Variants in GRIK4 observed in about 807,000 individuals in gnomAD.
The protein encoded by GRIK4 is glutamate receptor ionotropic, kainate 4.
Under a neutral mutation model 104.9 loss-of-function variants are expected in GRIK4, and 40 were observed. The observed-to-expected ratio is 0.38, with a 90% confidence interval of 0.30 to 0.50. The LOEUF (loss-of-function observed/expected upper bound fraction) is 0.50. Among genes scored for constraint, GRIK4 ranks in the 20% least tolerant of loss-of-function variants. The probability of loss-of-function intolerance (pLI) is 0.93; values close to 1 mark genes in which losing one functional copy is unlikely to be tolerated. For synonymous variants in GRIK4, 485 were observed against 524.9 expected (o/e 0.92, Z 1.04); for missense variants, 1,047 against 1,308.1 (o/e 0.80, Z 3.08).
intron 1 of GRIK4, among the ~76,000 whole-genome samples, chr11:120,579,516 G>A (rs1228403403): frequency 6.6e-6 from 1 of 152,188 alleles, no homozygotes; most frequent in Non-Finnish European, 1.5e-5. Context: ...AAGGAATTTG[G>A]ATTTTATTCT....
intron 3 of GRIK4, among the ~76,000 whole-genome samples, chr11:120,794,828 G>A (rs774638785): frequency 5.9e-5 from 9 of 152,170 alleles, no homozygotes; most frequent in African/African-American, 7.2e-5. Flanking sequence ...GGCTGGTAGC[G>A]GCCCAGCCTG....
intron 3 of GRIK4, among the ~76,000 whole-genome samples, chr11:120,700,314 C>T (rs1950531499): frequency 7.0e-6 from 1 of 143,466 alleles, no homozygotes; most frequent in African/African-American, 2.6e-5. Flanking sequence ...GTCGCCCAGG[C>T]TGGAGTGGAG....
At chr11:120,828,917 G>A (rs1338449911) in intron 6 of GRIK4, among the ~76,000 whole-genome samples, 1 of 152,080 alleles carries the variant, frequency 6.6e-6, no homozygotes, top group Non-Finnish European at 1.5e-5. Flanking sequence ...TGGGAGTTTC[G>A]TGCACCTGCC....
chr11:120,976,338 C>G (rs1380232860), intron 19 of GRIK4, among the ~76,000 whole-genome samples: 1 of 152,182 alleles, frequency 6.6e-6, no homozygotes, highest in Non-Finnish European at 1.5e-5. Context: ...ATTATTCTCT[C>G]CAGAATGTGC....
intron 3 of GRIK4, among the ~76,000 whole-genome samples, chr11:120,720,145 G>C (rs886699396): frequency 8.5e-5 from 13 of 152,122 alleles, no homozygotes; most frequent in African/African-American, 2.9e-4. Context: ...GTGTGTTGTG[G>C]GGGGAGGTGG....
At chr11:120,857,551 G>A (rs1477825419) in intron 8 of GRIK4, among the ~76,000 whole-genome samples, 1 of 151,756 alleles carries the variant, frequency 6.6e-6, no homozygotes, top group South Asian at 2.1e-4. Flanking sequence ...TGTTTTTCAT[G>A]TGAAAGCCCA....
At chr11:120,691,091 C>T (rs1309099121) in intron 3 of GRIK4, among the ~76,000 whole-genome samples, 1 of 152,196 alleles carries the variant, frequency 6.6e-6, no homozygotes, top group Admixed American at 6.5e-5. Flanking sequence ...AATAGGGGGG[C>T]AGTCAGGGAC....
intron 3 of GRIK4, among the ~76,000 whole-genome samples, chr11:120,758,212 G>A (rs1182970408): frequency 1.3e-5 from 2 of 152,088 alleles, no homozygotes; most frequent in Non-Finnish European, 2.9e-5. Context: ...CTGCTTCATT[G>A]TACCCATCCT....
At chr11:120,514,683 C>T (rs371771049) in intron 1 of GRIK4, among the ~76,000 whole-genome samples, 2 of 152,154 alleles carry the variant, frequency 1.3e-5, no homozygotes, top group South Asian at 2.1e-4. Context: ...CAACCAACCA[C>T]CCCCTACCCC....
intron 1 of GRIK4, among the ~76,000 whole-genome samples, chr11:120,635,698 A>G (rs962392013): frequency 6.6e-6 from 1 of 152,216 alleles, no homozygotes; most frequent in African/African-American, 2.4e-5. Context: ...GATTCAGGAG[A>G]GATAGCAAAG....
At chr11:120,652,667 G>A (rs530316701) in intron 1 of GRIK4, among the ~76,000 whole-genome samples, 15 of 152,084 alleles carry the variant, frequency 9.9e-5, no homozygotes, top group Middle Eastern at 3.4e-3. Flanking sequence ...TGCCCACAGC[G>A]GGGAAAAAAG....
At chr11:120,519,262 T>C (rs879278941) in intron 1 of GRIK4, among the ~76,000 whole-genome samples, 1 of 152,244 alleles carries the variant, frequency 6.6e-6, no homozygotes, top group Non-Finnish European at 1.5e-5. Flanking sequence ...TAATAACTGC[T>C]ATGAACTGAA....
intron 1 of GRIK4, among the ~76,000 whole-genome samples, chr11:120,647,407 C>T (rs1949558477): frequency 6.6e-6 from 1 of 152,204 alleles, no homozygotes; most frequent in Admixed American, 6.5e-5. Context: ...GGTCCTGGCC[C>T]TCCCTTGCCC....
chr11:120,694,492 A>G (rs555033399), intron 3 of GRIK4, among the ~76,000 whole-genome samples: 1 of 152,218 alleles, frequency 6.6e-6, no homozygotes, highest in Non-Finnish European at 1.5e-5. Flanking sequence ...GAGAATGACA[A>G]GAGATTGGAG....
At chr11:120,844,067 A>G (rs1020318403) in intron 8 of GRIK4, among the ~76,000 whole-genome samples, 1 of 151,964 alleles carries the variant, frequency 6.6e-6, no homozygotes, top group Non-Finnish European at 1.5e-5. Flanking sequence ...GCCTATGTTT[A>G]TTTTTCCAAA....
At chr11:120,957,144 GTCCCCTTCCCCT>G (rs926193338) in intron 16 of GRIK4, among the ~76,000 whole-genome samples, 191 bp downstream of exon 16, 2 of 152,210 alleles carry the variant, frequency 1.3e-5, no homozygotes, top group African/African-American at 4.8e-5. Context: ...GTGCCATCTG[GTCCCCTTCCCCT>G]TACTCTCTGG....
intron 1 of GRIK4, among the ~76,000 whole-genome samples, chr11:120,651,364 C>T (rs1949616342): frequency 6.6e-6 from 1 of 152,164 alleles, no homozygotes; most frequent in East Asian, 1.9e-4. Flanking sequence ...ATAGTGACAA[C>T]TGGAATTGGA....
At chr11:120,645,712 C>T (rs989461727) in intron 1 of GRIK4, among the ~76,000 whole-genome samples, 12 of 152,196 alleles carry the variant, frequency 7.9e-5, no homozygotes, top group Non-Finnish European at 1.3e-4. Flanking sequence ...GGTCTGGAAG[C>T]ACCTTTCTTC....
intron 3 of GRIK4, among the ~76,000 whole-genome samples, chr11:120,704,584 C>A (rs1008740227): frequency 6.6e-6 from 1 of 152,170 alleles, no homozygotes; most frequent in Non-Finnish European, 1.5e-5. Flanking sequence ...AATTCCTCTA[C>A]TAGAATGTAA....
Sources: gnomAD v4.1 joint callset for allele counts (sites outside exome capture counted in the v4.1 genomes callset) on GRCh38, gnomAD v4.1.1 for gene constraint, MANE v1.5 for transcripts, NCBI Gene and HGNC (gene_info 2026-07-23, HGNC 2026-07-21) for gene names.